The following CYB5R3 variants were observed in gnomAD, a reference collection of about 807,000 sequenced individuals.
The protein encoded by CYB5R3 is NADH-cytochrome b5 reductase 3.
A neutral mutation model predicts 36.5 loss-of-function variants in CYB5R3; 28 were observed. That is an observed-to-expected ratio of 0.77 (90% CI 0.57 to 1.05). The LOEUF is 1.05. CYB5R3 is among the 50% of genes least tolerant of loss of function. The pLI is 0.00. For synonymous variants in CYB5R3, 181 were observed against 159.8 expected, an observed-to-expected ratio of 1.13 and a Z score of -1.00; for missense variants, 474 against 408.9, an observed-to-expected ratio of 1.16 and a Z score of -1.37.
At chr22:42,643,982 G>T (rs939748254) in intron 1 of CYB5R3, among the ~76,000 whole-genome samples, 1 of 152,062 alleles carries the variant, frequency 6.6e-6, no homozygotes. Context: ...ATCCCAGCAC[G>T]TGAGGAAACT....
intron 4 of CYB5R3, among the ~76,000 whole-genome samples, chr22:42,630,422 C>T (rs1331407789): frequency 2.6e-5 from 4 of 152,196 alleles, no homozygotes; most frequent in South Asian, 4.1e-4. Context: ...CCCGCACACT[C>T]GGGACCCAAC....
At chr22:42,625,335 C>T (rs553132058) in intron 7 of CYB5R3, among the ~76,000 whole-genome samples, 27 of 152,054 alleles carry the variant, frequency 1.8e-4, no homozygotes, top group African/African-American at 5.5e-4. Flanking sequence ...GGTGAAACCC[C>T]GTCTCTACTA....
chr22:42,637,263 G>A (rs1928948467), intron 1 of CYB5R3, among the ~76,000 whole-genome samples: 1 of 152,156 alleles, frequency 6.6e-6, no homozygotes, highest in South Asian at 2.1e-4. Context: ...CTTATTAAGT[G>A]ATGTCAAGTT....
intron 8 of CYB5R3, among the ~76,000 whole-genome samples, chr22:42,622,351 G>A (rs183681687): frequency 2.4e-4 from 36 of 152,062 alleles, no homozygotes; most frequent in African/African-American, 8.0e-4. Context: ...CCATAACCGC[G>A]CTATAATTTA....
At position 42,630,934 on chromosome 22, in the gene CYB5R3, T is replaced by A. The variant is rs1415200527; in HGVS notation, c.281A>T (p.Tyr94Phe). 9 of 1,613,894 alleles carry A rather than the reference T, an allele frequency of 5.6e-6. No homozygotes were observed. The highest frequency in any genetic ancestry group is 1.3e-5 in the African/African-American group (1 of 74,912). ...GTCATCATCGCTGGAGATGGGTGTA[T>A]AGGGCCGGACGACCAGGTTTCCATC... Reference protein sequence around the residue: ...RIDGNLVVRPYTPISSDDDKG... With the variant: ...RIDGNLVVRPFTPISSDDDKG... Residue 94 changes from tyrosine (Y) to phenylalanine (F), a missense_variant, in exon 4 of 9, where the codon TAT (tyrosine) becomes TTT (phenylalanine). Physicochemically the swap from Tyr to Phe is conservative, Grantham distance 22. Transcript: ENST00000352397.
At chr22:42,631,782 C>G (rs1399905089) in intron 2 of CYB5R3, 3 of 406,430 alleles carry the variant, frequency 7.4e-6, no homozygotes, top group Admixed American at 3.6e-5. Flanking sequence ...TCTCTGCCAT[C>G]AGCTCAAGCA....
At chr22:42,643,920 G>A (rs1049451163) in intron 1 of CYB5R3, among the ~76,000 whole-genome samples, 6 of 152,024 alleles carry the variant, frequency 3.9e-5, no homozygotes, top group African/African-American at 1.5e-4. Flanking sequence ...TAGGGGCCGC[G>A]GGTTTCCTGG....
rs1927846699 is a variant in CYB5R3 at position 42,619,680 on chromosome 22, G to A, written c.*93C>T. ...GCACGGGCAGGCCAGGCTGAACCCG[G>A]GGCCCCAGTGTGCGATGTGGGGAGG... On this transcript the variant is annotated 3_prime_UTR_variant, in exon 9 of 9. Transcript: ENST00000352397. The A allele has an allele frequency of 1.5e-6, 2 of 1,347,710 alleles. No homozygotes were observed. The highest frequency in any genetic ancestry group is 2.0e-6 in the Non-Finnish European group (2 of 993,974). The allele number at this position is 1,347,710 out of a possible 1,614,324, so 83.5% of individuals were successfully genotyped here.
chr22:42,630,803 C>T, intron 4 of CYB5R3, 79 bp downstream of exon 4: 1 of 1,272,630 alleles, frequency 7.9e-7, no homozygotes, highest in Admixed American at 2.0e-5. Context: ...GGAGACTTCC[C>T]TGTCCAGGGG....
rs547268043 is a variant in CYB5R3 at position 42,623,827 on chromosome 22, C to T, written c.695G>A (p.Arg232His). 37 of 1,614,190 alleles carry T rather than the reference C, an allele frequency of 2.3e-5. No individual in the cohort carries two copies. The South Asian group carries it at 3.7e-4, about 16-fold the overall frequency. Residue 232 changes from arginine (R) to histidine (H), a missense_variant, in exon 8 of 9, where the codon CGC (arginine) becomes CAC (histidine). By Grantham distance (29) the Arg-to-His change is conservative. Transcript: ENST00000352397. ...GTCCAGCGTGTACCAGAGCTTGAAG[C>T]GTGCAGAATGTTTGTTCCTGAGTTC... ...LEELRNKHSA[R>H]FKLWYTLDRA...
At chr22:42,647,651 G>A (rs542659130) in intron 1 of CYB5R3, among the ~76,000 whole-genome samples, 1 of 152,274 alleles carries the variant, frequency 6.6e-6, no homozygotes, top group South Asian at 2.1e-4. Flanking sequence ...CCCAGGAAGT[G>A]GAGGTTGCAG....
At chr22:42,649,240 C>T in intron 1 of CYB5R3, 55 bp downstream of exon 1, 1 of 837,496 alleles carries the variant, frequency 1.2e-6, no homozygotes, top group South Asian at 3.7e-5. Context: ...CCCCTCGCCG[C>T]CGGGTCCCAG....
At chr22:42,621,213 TGTGTG>T (rs1927952365) in intron 8 of CYB5R3, among the ~76,000 whole-genome samples, 4 of 151,826 alleles carry the variant, frequency 2.6e-5, no homozygotes, top group Admixed American at 6.6e-5. Context: ...TGTGTGTGTG[TGTGTG>T]TTTTTAAGAG....
chr22:42,629,965 T>C lies in CYB5R3; in HGVS notation c.333+917A>G, dbSNP rs372378529. The stretch of plus-strand genomic sequence containing the variant: ...GGTGCGCACCACCATGCCCAGCTAA[T>C]TTTTTTGTATTTTTAGTAGAGACGG... On this transcript the variant is annotated intron_variant, in intron 4 of 8. Transcript: ENST00000352397. Among the ~76,000 whole-genome samples the C allele has an allele frequency of 5.9e-5, 9 of 152,158 alleles. No individual in the cohort carries two copies. In the East Asian group the frequency reaches 1.5e-3, roughly 26 times the overall value.
chr22:42,640,072 A>G (rs1929159523), intron 1 of CYB5R3: 1 of 1,613,710 alleles, frequency 6.2e-7, no homozygotes, highest in Non-Finnish European at 8.5e-7. Flanking sequence ...CTTAACTGTG[A>G]GCTGTTTGAA....
chr22:42,627,819 C>A (rs112633188), intron 5 of CYB5R3, 131 bp from the exon 6 acceptor site: 35 of 773,912 alleles, frequency 4.5e-5, no homozygotes, highest in Non-Finnish European at 7.5e-5. Context: ...CATTCTAACG[C>A]GAGCCATGAG....
At chr22:42,642,878 A>ATATACCTC (rs1208467627) in intron 1 of CYB5R3, among the ~76,000 whole-genome samples, 1 of 152,164 alleles carries the variant, frequency 6.6e-6, no homozygotes, top group Admixed American at 6.5e-5. Flanking sequence ...CACCCTCCCC[A>ATATACCTC]TATACCTCCC....
intron 1 of CYB5R3, among the ~76,000 whole-genome samples, chr22:42,642,531 T>C (rs989862142): frequency 2.6e-5 from 4 of 152,242 alleles, no homozygotes; most frequent in Non-Finnish European, 4.4e-5. Context: ...CTCTGCCTCC[T>C]GGGTTCACAC....
At chr22:42,648,704 C>G (rs1232108328) in intron 1 of CYB5R3, among the ~76,000 whole-genome samples, 2 of 152,198 alleles carry the variant, frequency 1.3e-5, no homozygotes, top group Non-Finnish European at 2.9e-5. Context: ...GCCCACTGAG[C>G]ATTGGGAGGA....
Sources: allele counts gnomAD v4.1 joint callset (sites outside exome capture counted in the v4.1 genomes callset), GRCh38; gene constraint gnomAD v4.1.1; transcripts MANE v1.5; gene names NCBI Gene and HGNC (gene_info 2026-07-23, HGNC 2026-07-21).